The following RPAP1 variants were observed in gnomAD, a reference collection of about 807,000 sequenced individuals.
RPAP1 encodes RNA polymerase II associated protein 1.
Under a neutral mutation model 142.4 loss-of-function variants are expected in RPAP1, and 109 were observed. That is an observed-to-expected ratio of 0.77 (90% CI 0.66 to 0.90). The LOEUF is 0.90. Among genes scored for constraint, RPAP1 ranks in the 40% least tolerant of loss-of-function variants. RPAP1 has a pLI of 0.00. For synonymous variants in RPAP1, 704 were observed against 738.9 expected, an observed-to-expected ratio of 0.95 and a Z score of 0.77; for missense variants, 1,546 against 1,751.7, an observed-to-expected ratio of 0.88 and a Z score of 2.10.
chr15:41,519,757 G>A (rs1317582836), intron 22 of RPAP1: 1 of 153,066 alleles, frequency 6.5e-6, no homozygotes, highest in Non-Finnish European at 1.5e-5. Context: ...CTTCCACAAA[G>A]CCCAATTTGA....
Position 41,536,419 on chromosome 15 carries a change from T to G in RPAP1, c.330+82A>C, listed in dbSNP as rs2051908117. The stretch of plus-strand genomic sequence containing the variant: ...TCTACCTTTCTGAAGCACCCTCCAC[T>G]GATAAGCCTCACCCACCCCGAGCAT... On this transcript the variant is annotated intron_variant, in intron 3 of 24. Transcript: ENST00000304330. The G allele has an allele frequency of 2.6e-6, 4 of 1,555,100 alleles. No homozygotes were observed. The South Asian group carries it at 4.7e-5, about 18-fold the overall frequency.
intron 19 of RPAP1, 82 bp downstream of exon 19, chr15:41,522,683 C>CCCCAA: frequency 2.4e-6 from 1 of 416,560 alleles, no homozygotes; most frequent in Non-Finnish European, 4.6e-6. Context: ...AGCCACCGCG[C>CCCCAA]CCATCCCACC....
chr15:41,519,673 G>C (rs2051703616), intron 22 of RPAP1: 1 of 152,096 alleles, frequency 6.6e-6, no homozygotes, highest in Non-Finnish European at 1.5e-5. Flanking sequence ...ATTCTGTTAG[G>C]AATCTCCTGC....
At chr15:41,520,310 C>CAAGGCTCCT (rs1417669640) in intron 22 of RPAP1, 81 bp downstream of exon 22, 1 of 1,508,204 alleles carries the variant, frequency 6.6e-7, no homozygotes, top group East Asian at 2.4e-5. Flanking sequence ...CTGAGGTCTT[C>CAAGGCTCCT]CAAAGCTCCT....
At chr15:41,535,032 G>A (rs2051893519) in intron 5 of RPAP1, 97 bp from the exon 6 acceptor site, 1 of 1,192,412 alleles carries the variant, frequency 8.4e-7, no homozygotes, top group East Asian at 2.5e-5. Context: ...CCTGGAGACA[G>A]GTATAGACCC....
chr15:41,522,359 G>C (rs2051735738), intron 19 of RPAP1, 109 bp from the exon 20 acceptor site: 1 of 1,080,794 alleles, frequency 9.3e-7, no homozygotes, highest in Admixed American at 2.7e-5. Flanking sequence ...CCAGCAGAAG[G>C]CCTCCCTTCC....
Position 41,521,885 on chromosome 15 carries a change from A to C in RPAP1, c.2896-5T>G, listed in dbSNP as rs1403409856. 1.2e-6 allele frequency: 2 copies of C among 1,613,470 alleles called. No homozygotes were observed. The highest frequency in any genetic ancestry group is 1.7e-6 in the Non-Finnish European group (2 of 1,179,728). On this transcript the variant is annotated splice_region_variant and splice_polypyrimidine_tract_variant and intron_variant, in intron 20 of 24. Coordinates refer to ENST00000304330, the MANE Select transcript of RPAP1 (RefSeq NM_015540.4). ...TGGCAGTGGCTGCAGCGCTGCCTGC[A>C]GACAGAAAAGCAGGGAACTACCTAG...
intron 1 of RPAP1, among the ~76,000 whole-genome samples, chr15:41,538,460 T>G (rs2051936338): frequency 6.6e-6 from 1 of 152,152 alleles, no homozygotes; most frequent in East Asian, 1.9e-4. Context: ...TGTATGCACT[T>G]CTCTGTCTGC....
intron 22 of RPAP1, 170 bp from the exon 23 acceptor site, chr15:41,518,352 G>A (rs2051689365): frequency 3.6e-6 from 2 of 555,692 alleles, no homozygotes; most frequent in African/African-American, 1.9e-5. Flanking sequence ...CAGAGCAGAT[G>A]TTGGGGAAAA....
At position 41,526,971 on chromosome 15, in the gene RPAP1, T is replaced by C. The variant is rs1283673825; in HGVS notation, c.1844A>G (p.Lys615Arg). ...TTTCATGGCAGTAGCACAGGGTACTTTGTATAGACTAGGGGTAGGCCCTGC... is the reference window on the plus strand; with the variant it reads ...TTTCATGGCAGTAGCACAGGGTACTCTGTATAGACTAGGGGTAGGCCCTGC... The part of the protein sequence containing the change: ...VGAGPTPSLY[K>R]VPCATAMKLL... The change falls in exon 14 of 25, where the codon AAA becomes AGA. Residue 615 changes from lysine to arginine, a missense_variant. Around this residue, in one of 3 missense-constraint regions of RPAP1, gnomAD observed 1,333 missense variants for 1,486.6 expected, o/e 0.90. Transcript: ENST00000304330. 6.2e-7 allele frequency: 1 copy of C among 1,614,126 alleles called. No homozygotes were observed. Among genetic ancestry groups the C allele is most frequent in the Non-Finnish European group, 8.5e-7 (1 of 1,180,004 alleles).
chr15:41,517,510 A>G lies in RPAP1; in HGVS notation c.*32T>C. On this transcript the variant is annotated 3_prime_UTR_variant, in exon 25 of 25. Coordinates refer to ENST00000304330, the MANE Select transcript of RPAP1 (RefSeq NM_015540.4). Reference sequence around the variant, plus strand: ...CTGTTGAAAGGCTGGATACAGGACAACGTACCCATCTTTCCATCTATATCA... The same window carrying G: ...CTGTTGAAAGGCTGGATACAGGACAGCGTACCCATCTTTCCATCTATATCA... The G allele has an allele frequency of 3.3e-6, 5 of 1,514,836 alleles. No individual in the cohort carries two copies. In the Admixed American group the frequency reaches 6.5e-5, roughly 20 times the overall value. 93.8% of individuals were successfully genotyped at this position (1,514,836 alleles called of 1,614,324 possible).
Position 41,527,286 on chromosome 15 carries a change from T to A in RPAP1, c.1627A>T (p.Ser543Cys). 1 of 1,614,162 alleles carries A rather than the reference T, an allele frequency of 6.2e-7. No homozygotes were observed. The highest frequency in any genetic ancestry group is 1.1e-5 in the South Asian group (1 of 91,086). Residue 543 changes from serine (S) to cysteine (C), a missense_variant, in exon 13 of 25, where the codon AGC (serine) becomes TGC (cysteine). This residue lies in a region of RPAP1 where 1,333 missense variants were observed against 1,486.6 expected (regional missense o/e 0.90). Coordinates refer to ENST00000304330, the MANE Select transcript of RPAP1 (RefSeq NM_015540.4). ...HDVIKGLLAT[S>C]LLPRLRYVLE... ...ACGTAGCGCAGCCGAGGCAGCAGGC[T>A]GGTAGCCAGGAGCCCCTGGGAGTTG... is the stretch of plus-strand genomic sequence containing the variant.
intron 23 of RPAP1, 35 bp downstream of exon 23, chr15:41,517,971 C>G: frequency 6.2e-7 from 1 of 1,613,410 alleles, no homozygotes; most frequent in Non-Finnish European, 8.5e-7. Flanking sequence ...ATTGCTAGCT[C>G]CCTTCCTTCC....
chr15:41,523,374 A>G lies in RPAP1; in HGVS notation c.2437-20T>C, dbSNP rs935477719. 2 of 1,477,094 alleles carry G rather than the reference A, an allele frequency of 1.4e-6. No individual in the cohort carries two copies. Among genetic ancestry groups the G allele is most frequent in the African/African-American group, 2.8e-5 (2 of 72,032 alleles). 91.5% of individuals were successfully genotyped at this position (1,477,094 alleles called of 1,614,324 possible). A position where few individuals can be genotyped will look rare whatever the true frequency, so the allele number is the denominator to read the frequency against. ...GCTTGGCTGGTGGACCAAGGAATTC[A>G]CTGAGCTGATGGCCCAGCCATTCAT... On this transcript the variant is annotated intron_variant, in intron 17 of 24. Coordinates refer to ENST00000304330, the MANE Select transcript of RPAP1 (RefSeq NM_015540.4).
intron 20 of RPAP1, 37 bp downstream of exon 20, chr15:41,522,061 G>A (rs757734321): frequency 1.2e-6 from 2 of 1,605,606 alleles, no homozygotes; most frequent in South Asian, 1.1e-5. Flanking sequence ...AGGAGATAAT[G>A]GGATGACAGG....
chr15:41,525,972 T>G lies in RPAP1; in HGVS notation c.1918-824A>C, dbSNP rs1355407714. Among the ~76,000 whole-genome samples, 3 of 151,794 alleles carry G rather than the reference T, an allele frequency of 2.0e-5. No individual in the cohort carries two copies. The East Asian group carries it at 5.8e-4, about 29-fold the overall frequency. On this transcript the variant is annotated intron_variant, in intron 14 of 24. Transcript: ENST00000304330. ...CCCGGCCCTATTATTTGTTTTTAGATGGAATCTTGCTCTGCCACCCAGGCT... is the reference window on the plus strand; with the variant it reads ...CCCGGCCCTATTATTTGTTTTTAGAGGGAATCTTGCTCTGCCACCCAGGCT...
At chr15:41,543,613 A>T (rs890585408) in intron 1 of RPAP1, among the ~76,000 whole-genome samples, 1 of 152,154 alleles carries the variant, frequency 6.6e-6, no homozygotes, top group Admixed American at 6.5e-5. Context: ...TACACGCAAA[A>T]CGCCTAGCCC....
At chr15:41,522,371 C>A (rs1189564039) in intron 19 of RPAP1, 121 bp from the exon 20 acceptor site, 20 of 910,190 alleles carry the variant, frequency 2.2e-5, no homozygotes, top group Non-Finnish European at 2.6e-5. Context: ...CTCCCTTCCC[C>A]ATGGGACACC....
chr15:41,523,247 A>G lies in RPAP1; in HGVS notation c.2544T>C (p.Leu848=). The G allele has an allele frequency of 6.3e-7, 1 of 1,585,172 alleles. No individual in the cohort carries two copies. The highest frequency in any genetic ancestry group is 1.1e-5 in the South Asian group (1 of 88,266). ...CAGCTACCAAACACAGTACATACCT[A>G]AGGGAATCCCACAGGCTGCCCAGTG... is the stretch of plus-strand genomic sequence containing the variant. The part of the protein sequence containing the change: ...QPTLGSLWDS[L]RHCSLLCNPL... The change falls in exon 18 of 25, where the codon CTT becomes CTC. Residue 848 remains leucine (L), a splice_region_variant and synonymous_variant. Coordinates refer to ENST00000304330, the MANE Select transcript of RPAP1 (RefSeq NM_015540.4).
Sources: allele counts gnomAD v4.1 joint callset (sites outside exome capture counted in the v4.1 genomes callset), GRCh38; gene constraint gnomAD v4.1.1; regional missense constraint gnomAD v4.1.1; transcripts MANE v1.5; gene names NCBI Gene and HGNC (gene_info 2026-07-23, HGNC 2026-07-21).